RBM18: variants seen among roughly 807,000 people sequenced by gnomAD.
RBM18 encodes the protein probable RNA-binding protein 18.
RBM18 carries 18 observed loss-of-function variants against 26.4 expected under a neutral mutation model. That is an observed-to-expected ratio of 0.68 (90% CI 0.47 to 1.01). RBM18 has a LOEUF of 1.01. Ranked by LOEUF, RBM18 falls within the 50% of genes least tolerant of loss-of-function variation. The pLI is 0.00. For synonymous variants in RBM18, 74 were observed against 81.1 expected, an observed-to-expected ratio of 0.91 and a Z score of 0.47; for missense variants, 180 against 219.2, an observed-to-expected ratio of 0.82 and a Z score of 1.13.
intron 2 of RBM18, among the ~76,000 whole-genome samples, chr9:122,257,139 G>A (rs527838642): frequency 9.9e-5 from 15 of 152,220 alleles, no homozygotes; most frequent in African/African-American, 2.9e-4. Context: ...GCAGCGGCGC[G>A]ATCTCGGCTC....
intron 1 of RBM18, among the ~76,000 whole-genome samples, chr9:122,263,527 G>A (rs957670283): frequency 2.0e-5 from 3 of 152,226 alleles, no homozygotes; most frequent in Non-Finnish European, 4.4e-5. Context: ...AGTCAGAGCA[G>A]TGAACAAGCA....
At chr9:122,250,330 A>G (rs1389981838) in intron 3 of RBM18, among the ~76,000 whole-genome samples, 3 of 152,182 alleles carry the variant, frequency 2.0e-5, no homozygotes, top group African/African-American at 7.2e-5. Flanking sequence ...ATGCCATTCC[A>G]TCTCCCCAAA....
chr9:122,264,096 G>A (rs1258070611), intron 1 of RBM18, among the ~76,000 whole-genome samples: 2 of 152,130 alleles, frequency 1.3e-5, no homozygotes, highest in African/African-American at 4.8e-5. Context: ...CTTGATCACG[G>A]TTCTATTTCT....
chr9:122,254,938 G>A (rs1831665717), intron 2 of RBM18, among the ~76,000 whole-genome samples: 1 of 152,198 alleles, frequency 6.6e-6, no homozygotes, highest in African/African-American at 2.4e-5. Flanking sequence ...TGACTGGGTT[G>A]TGTCAGTGTG....
At chr9:122,262,625 C>A (rs1454827426) in intron 1 of RBM18, among the ~76,000 whole-genome samples, 1 of 152,062 alleles carries the variant, frequency 6.6e-6, no homozygotes, top group Non-Finnish European at 1.5e-5. Flanking sequence ...GCTCTGTTGC[C>A]CAGACTCATG....
At chr9:122,253,375 AGG>A in intron 2 of RBM18, among the ~76,000 whole-genome samples, 1 of 152,336 alleles carries the variant, frequency 6.6e-6, no homozygotes, top group South Asian at 2.1e-4. Context: ...GACAAATGCA[AGG>A]ATCCCAAGGC....
rs540046003 is a variant in RBM18 at position 122,259,805 on chromosome 9, C to T, written c.113+1575G>A. The stretch of plus-strand genomic sequence containing the variant: ...GCCTCCCAGGTTCAAGCAATTTTCG[C>T]GCCTCAACCTCCCAAGTAGCTGGGA... On this transcript the variant is annotated intron_variant, in intron 2 of 5. Transcript: ENST00000417201. Among the ~76,000 whole-genome samples, 8 of 152,120 alleles carry T rather than the reference C, an allele frequency of 5.3e-5. 1 individual carries two copies. Among genetic ancestry groups the T allele is most frequent in the South Asian group, 4.1e-4 (2 of 4,824 alleles).
At chr9:122,250,068 T>TAAACAAAAAAAAAAAA (rs1831574633) in intron 3 of RBM18, among the ~76,000 whole-genome samples, 4 of 107,178 alleles carry the variant, frequency 3.7e-5, no homozygotes, top group Non-Finnish European at 7.2e-5. Context: ...AGACCTTATT[T>TAAACAAAAAAAAAAAA]AAAAAAAAAA....
chr9:122,242,903 T>C (rs1045848157), intron 5 of RBM18, among the ~76,000 whole-genome samples: 6 of 152,166 alleles, frequency 3.9e-5, no homozygotes, highest in African/African-American at 1.4e-4. Context: ...TTCGGCTCAC[T>C]GCAACCTCCG....
At chr9:122,247,772 T>C (rs1831527477) in intron 3 of RBM18, among the ~76,000 whole-genome samples, 168 bp from the exon 4 acceptor site, 1 of 142,938 alleles carries the variant, frequency 7.0e-6, no homozygotes, top group Admixed American at 8.0e-5. Context: ...AAAAAGGGCA[T>C]GGTTTTTTTG....
chr9:122,256,038 AAACAAC>A (rs3048199), intron 2 of RBM18, among the ~76,000 whole-genome samples: 93 of 151,706 alleles, frequency 6.1e-4, no homozygotes, highest in African/African-American at 9.2e-4. Flanking sequence ...CTCAAAAAGA[AAACAAC>A]AACAACAACA....
At chr9:122,247,638 C>A (rs753883900) in intron 3 of RBM18, 34 bp from the exon 4 acceptor site, 4 of 1,528,542 alleles carry the variant, frequency 2.6e-6, no homozygotes, top group Non-Finnish European at 3.6e-6. Context: ...TAGTTAAAAA[C>A]TGAAATGCTT....
At position 122,263,684 on chromosome 9, in the gene RBM18, G is replaced by C. The variant is rs368581209; in HGVS notation, c.-17+1031C>G. Among the ~76,000 whole-genome samples the C allele has an allele frequency of 4.6e-5, 7 of 152,252 alleles. No homozygotes were observed. The East Asian group carries it at 9.6e-4, about 21-fold the overall frequency. On this transcript the variant is annotated intron_variant, in intron 1 of 5. Transcript: ENST00000417201. ...CAGGGACTCGACGACTATAGATTGAGTGGAGGGAAGGCCTCTCTAAAGGAG... is the reference window on the plus strand; with the variant it reads ...CAGGGACTCGACGACTATAGATTGACTGGAGGGAAGGCCTCTCTAAAGGAG...
At chr9:122,257,987 C>A (rs1831724852) in intron 2 of RBM18, among the ~76,000 whole-genome samples, 1 of 152,138 alleles carries the variant, frequency 6.6e-6, no homozygotes. Context: ...TGAGATTGCA[C>A]CACAAGACAG....
chr9:122,247,740 C>A, intron 3 of RBM18, 136 bp from the exon 4 acceptor site: 425 of 530,746 alleles, frequency 8.0e-4, no homozygotes, highest in East Asian at 1.3e-3. Context: ...CAAGGGTTTA[C>A]AATTTTACAA....
chr9:122,257,493 C>T (rs1023606734), intron 2 of RBM18, among the ~76,000 whole-genome samples: 4 of 152,048 alleles, frequency 2.6e-5, no homozygotes, highest in East Asian at 1.9e-4. Context: ...ACAAACAAGA[C>T]GAGTAATATT....
chr9:122,249,345 T>G (rs1831560058), intron 3 of RBM18, among the ~76,000 whole-genome samples: 1 of 152,172 alleles, frequency 6.6e-6, no homozygotes, highest in Non-Finnish European at 1.5e-5. Flanking sequence ...AAATATAAAC[T>G]AGGCTTTGTA....
intron 4 of RBM18, among the ~76,000 whole-genome samples, chr9:122,246,064 G>T (rs941852989): frequency 6.6e-6 from 1 of 152,214 alleles, no homozygotes; most frequent in African/African-American, 2.4e-5. Context: ...AGGCCTGAGT[G>T]AAGAATAAAA....
chr9:122,243,502 G>A (rs1333271951), intron 5 of RBM18, among the ~76,000 whole-genome samples: 1 of 152,082 alleles, frequency 6.6e-6, no homozygotes, highest in Admixed American at 6.5e-5. Flanking sequence ...GAGAAGTTGC[G>A]AGGAATTTGC....
Sources: allele counts gnomAD v4.1 joint callset (sites outside exome capture counted in the v4.1 genomes callset), GRCh38; gene constraint gnomAD v4.1.1; transcripts MANE v1.5; gene names NCBI Gene and HGNC (gene_info 2026-07-23, HGNC 2026-07-21).